DTL: variants seen among roughly 807,000 people sequenced by gnomAD.
The protein encoded by DTL is denticleless E3 ubiquitin protein ligase adapter, also known as denticleless protein homolog.
Under a neutral mutation model 87.0 loss-of-function variants are expected in DTL, and 46 were observed. That is an observed-to-expected ratio of 0.53 (90% CI 0.42 to 0.68). The LOEUF is 0.68. DTL is among the 30% of genes least tolerant of loss of function. The pLI is 0.00. For missense variants in DTL, 737 were observed against 869.4 expected (o/e 0.85, Z 1.91); for synonymous variants, 308 against 311.2 (o/e 0.99, Z 0.11).
intron 1 of DTL, among the ~76,000 whole-genome samples, chr1:212,042,339 C>A (rs1245543062): frequency 6.6e-6 from 1 of 152,198 alleles, no homozygotes; most frequent in East Asian, 1.9e-4. Flanking sequence ...ATTTACCCAT[C>A]TTTCAAGACC....
chr1:212,078,079 C>G (rs1345662327), intron 11 of DTL, 94 bp from the exon 12 acceptor site: 5 of 712,436 alleles, frequency 7.0e-6, no homozygotes, highest in Non-Finnish European at 1.2e-5. Context: ...GGTAACAATC[C>G]TAAAGCTCTC....
chr1:212,102,891 G>T lies in DTL; in HGVS notation c.2144G>T (p.Arg715Ile). 6.2e-7 allele frequency: 1 copy of T among 1,612,890 alleles called. No homozygotes were observed. The highest frequency in any genetic ancestry group is 8.5e-7 in the Non-Finnish European group (1 of 1,179,172). ...SMRKICTYFH[R>I]KSQEDFCGPE... ...AGGAAAATCTGCACATACTTCCATA[G>T]AAAGTCCCAGGAGGACTTCTGTGGT... is the stretch of plus-strand genomic sequence containing the variant. The change falls in exon 15 of 15, where the codon AGA becomes ATA. Residue 715 changes from arginine to isoleucine, a missense_variant. Physicochemically the swap from Arg to Ile is moderately conservative, Grantham distance 97 (BLOSUM62 -3). Coordinates refer to ENST00000366991, the MANE Select transcript of DTL (RefSeq NM_016448.4).
In DTL at chr1:212,076,233, G is replaced by A. The variant is rs567730701; in HGVS notation, c.1036-1940G>A. On this transcript the variant is annotated intron_variant, in intron 11 of 14. Coordinates refer to ENST00000366991, the MANE Select transcript of DTL (RefSeq NM_016448.4). ...TCCTGGGAGTGTAGGAACAGAATTC[G>A]ATTCCTAAGAATAGAATTGCTGGGT... 1.6e-3 allele frequency among the ~76,000 whole-genome samples: 247 copies of A among 152,232 alleles called. 2 individuals carry two copies. Among genetic ancestry groups the A allele is most frequent in the South Asian group, 8.5e-3 (41 of 4,824 alleles).
At chr1:212,093,647 T>G (rs1655354753) in intron 13 of DTL, among the ~76,000 whole-genome samples, 1 of 152,212 alleles carries the variant, frequency 6.6e-6, no homozygotes, top group Admixed American at 6.5e-5. Flanking sequence ...CAGTGTGCTC[T>G]TCTGCCAGCG....
chr1:212,056,620 G>A (rs1213457110), intron 5 of DTL, among the ~76,000 whole-genome samples: 1 of 152,128 alleles, frequency 6.6e-6, no homozygotes, highest in Non-Finnish European at 1.5e-5. Context: ...AAGGAACACA[G>A]TAATTCTTCA....
At chr1:212,064,679 A>T (rs1026688502) in intron 6 of DTL, among the ~76,000 whole-genome samples, 4 of 152,142 alleles carry the variant, frequency 2.6e-5, no homozygotes, top group Admixed American at 6.5e-5. Context: ...TTATCCATTC[A>T]CCTACTGAAG....
chr1:212,087,675 A>G (rs1655170750), intron 13 of DTL, among the ~76,000 whole-genome samples: 1 of 152,178 alleles, frequency 6.6e-6, no homozygotes. Flanking sequence ...ACGAAGCAAC[A>G]ACCTGACACG....
chr1:212,066,817 C>G lies in DTL; in HGVS notation c.645C>G (p.Phe215Leu), dbSNP rs1293258781. 6.2e-7 allele frequency: 1 copy of G among 1,613,432 alleles called. No individual in the cohort carries two copies. The highest frequency in any genetic ancestry group is 8.5e-7 in the Non-Finnish European group (1 of 1,179,464). The change falls in exon 8 of 15, where the codon TTC becomes TTG. Residue 215 changes from phenylalanine to leucine, a missense_variant. Physicochemically the swap from Phe to Leu is conservative, Grantham distance 22. Transcript: ENST00000366991. ...NSKGLAPSVD[F>L]QQSVTVVLFQ... ...TTCTTTTCTTGTGCTATCAGGATTT[C>G]CAGCAAAGTGTTACTGTGGTCCTCT...
chr1:212,046,438 C>T (rs1667808912), intron 3 of DTL, among the ~76,000 whole-genome samples: 1 of 152,172 alleles, frequency 6.6e-6, no homozygotes, highest in South Asian at 2.1e-4. Flanking sequence ...GATGTTCTCC[C>T]TCTCCATGCT....
intron 1 of DTL, among the ~76,000 whole-genome samples, chr1:212,038,165 CT>C (rs1166440284): frequency 6.6e-6 from 1 of 152,238 alleles, no homozygotes; most frequent in African/African-American, 2.4e-5. Flanking sequence ...ACCAGAGTAC[CT>C]GGAGAAAACC....
At position 212,100,629 on chromosome 1, in the gene DTL, T is replaced by C; in HGVS notation, c.1639T>C (p.Ser547Pro). ...ATCCCAAGCAGAGGCTTGCTCTGAG[T>C]CTAGAAATAGAGTAAAGAGGAGGCT... ...KSSQAEACSE[S>P]RNRVKRRLDS... is the part of the protein sequence containing the mutation. Residue 547 changes from serine (S) to proline (P), a missense_variant, in exon 14 of 15, where the codon TCT becomes CCT. Coordinates refer to ENST00000366991, the MANE Select transcript of DTL (RefSeq NM_016448.4). The C allele has an allele frequency of 1.2e-6, 2 of 1,613,756 alleles. No homozygotes were observed. The highest frequency in any genetic ancestry group is 8.5e-7 in the Non-Finnish European group (1 of 1,179,964).
chr1:212,057,360 GAA>G (rs35722026), intron 5 of DTL, among the ~76,000 whole-genome samples: 46,720 of 143,666 alleles, frequency 0.33, 8,643 homozygotes, highest in Middle Eastern at 0.46. Context: ...CATGCTTAAA[GAA>G]AAAAAAAAAA....
At chr1:212,101,871 A>G (rs1271209562) in intron 14 of DTL, among the ~76,000 whole-genome samples, 2 of 152,210 alleles carry the variant, frequency 1.3e-5, no homozygotes, top group African/African-American at 4.8e-5. Flanking sequence ...AGCTGAGTGC[A>G]TTGGGTGAGC....
chr1:212,100,655 A>G lies in DTL; in HGVS notation c.1665A>G (p.Leu555=), dbSNP rs1655593304. 2 of 1,614,008 alleles carry G rather than the reference A, an allele frequency of 1.2e-6. No individual in the cohort carries two copies. Among genetic ancestry groups the G allele is most frequent in the Middle Eastern group, 1.6e-4 (1 of 6,084 alleles). ...SESRNRVKRR[L]DSSCLESVKQ... ...CTAGAAATAGAGTAAAGAGGAGGCT[A>G]GACTCAAGCTGTCTGGAGAGTGTGA... The change falls in exon 14 of 15, where the codon CTA becomes CTG. Residue 555 remains leucine, a synonymous_variant. Transcript: ENST00000366991.
chr1:212,037,159 C>T (rs1187070672), intron 1 of DTL, among the ~76,000 whole-genome samples: 3 of 152,300 alleles, frequency 2.0e-5, no homozygotes, highest in Middle Eastern at 3.4e-3. Flanking sequence ...TATACTTCCA[C>T]ACCTTACTAT....
intron 13 of DTL, among the ~76,000 whole-genome samples, chr1:212,089,403 A>G (rs895398010): frequency 7.9e-5 from 12 of 152,242 alleles, no homozygotes; most frequent in Non-Finnish European, 1.2e-4. Context: ...GTACAGATAT[A>G]TATATAGTAT....
intron 5 of DTL, among the ~76,000 whole-genome samples, chr1:212,059,798 A>G (rs1199391753): frequency 7.4e-6 from 1 of 136,014 alleles, no homozygotes; most frequent in African/African-American, 2.8e-5. Flanking sequence ...AAAAAAAAAA[A>G]AAAAACCTCA....
intron 12 of DTL, among the ~76,000 whole-genome samples, chr1:212,080,086 T>C (rs922442739): frequency 4.8e-4 from 73 of 152,322 alleles, no homozygotes; most frequent in African/African-American, 1.4e-3. Context: ...CCCAGATTGC[T>C]CCTCTACCTA....
At chr1:212,092,634 A>C (rs1655319263) in intron 13 of DTL, among the ~76,000 whole-genome samples, 1 of 152,156 alleles carries the variant, frequency 6.6e-6, no homozygotes, top group African/African-American at 2.4e-5. Flanking sequence ...CCTGGTATAT[A>C]TATACACCAC....
Sources: gnomAD v4.1 joint callset for allele counts (sites outside exome capture counted in the v4.1 genomes callset) on GRCh38, gnomAD v4.1.1 for gene constraint, MANE v1.5 for transcripts, NCBI Gene and HGNC (gene_info 2026-07-23, HGNC 2026-07-21) for gene names.